The following MTF2 variants were observed in gnomAD, a reference collection of about 807,000 sequenced individuals.
MTF2 encodes the protein metal-response element-binding transcription factor 2.
In MTF2, 11 loss-of-function variants were observed where a neutral mutation model predicts 79.5. That is an observed-to-expected ratio of 0.14 (90% CI 0.09 to 0.23). The LOEUF (loss-of-function observed/expected upper bound fraction) is 0.23, where lower values mean the gene tolerates loss of function less well. Among genes scored for constraint, MTF2 ranks in the 10% least tolerant of loss-of-function variants. The pLI, the probability that MTF2 is intolerant of heterozygous loss-of-function variation, is 1.00. For missense variants in MTF2, 486 were observed against 711.2 expected, an observed-to-expected ratio of 0.68 and a Z score of 3.60; for synonymous variants, 208 against 232.8, an observed-to-expected ratio of 0.89 and a Z score of 0.97.
At chr1:93,123,652 A>G (rs932708481) in intron 9 of MTF2, among the ~76,000 whole-genome samples, 1 of 152,036 alleles carries the variant, frequency 6.6e-6, no homozygotes, top group Admixed American at 6.6e-5. Context: ...GGCTGGCTAA[A>G]CTTTAATGGT....
chr1:93,114,327 T>G (rs1386824226), intron 3 of MTF2, among the ~76,000 whole-genome samples: 1 of 152,220 alleles, frequency 6.6e-6, no homozygotes, highest in African/African-American at 2.4e-5. Context: ...TAGATAAGTA[T>G]TCTATAAAGT....
intron 1 of MTF2, among the ~76,000 whole-genome samples, chr1:93,100,760 T>G (rs1198897243): frequency 2.6e-5 from 4 of 152,338 alleles, no homozygotes; most frequent in African/African-American, 7.2e-5. Flanking sequence ...AGGCTTCATT[T>G]TACATACCTG....
chr1:93,130,039 T>C (rs1435642229), intron 11 of MTF2, among the ~76,000 whole-genome samples: 1 of 152,106 alleles, frequency 6.6e-6, no homozygotes, highest in South Asian at 2.1e-4. Context: ...GAGAATGTTA[T>C]AACAATGTGA....
intron 1 of MTF2, among the ~76,000 whole-genome samples, chr1:93,083,845 CAT>C (rs1009777931): frequency 6.6e-6 from 1 of 152,182 alleles, no homozygotes; most frequent in African/African-American, 2.4e-5. Context: ...GATCTTTCCA[CAT>C]ACTTGTTGGC....
At chr1:93,090,822 C>T (rs1655046333) in intron 1 of MTF2, among the ~76,000 whole-genome samples, 1 of 151,934 alleles carries the variant, frequency 6.6e-6, no homozygotes, top group Admixed American at 6.6e-5. Flanking sequence ...CGCCACCATG[C>T]CTGGCTAATT....
chr1:93,092,660 A>G (rs1655119163), intron 1 of MTF2, among the ~76,000 whole-genome samples: 1 of 152,172 alleles, frequency 6.6e-6, no homozygotes, highest in African/African-American at 2.4e-5. Flanking sequence ...CTATAAATAT[A>G]TTCTCTGTAA....
rs139709776 is a variant in MTF2 at position 93,114,598 on chromosome 1, G to A, written c.287-90G>A. ...TTATGATGTACTTAGCAAACATTGC[G>A]CATATGTGCTGCTCACTGAGTCATA... On this transcript the variant is annotated intron_variant, in intron 3 of 14. Transcript: ENST00000370298. 3,766 of 813,048 alleles carry A rather than the reference G, an allele frequency of 4.6e-3. 13 individuals carry two copies. Among genetic ancestry groups the A allele is most frequent in the Non-Finnish European group, 6.1e-3 (3,126 of 514,728 alleles). The allele number at this position is 813,048 out of a possible 1,614,324, so 50.4% of individuals were successfully genotyped here.
chr1:93,137,194 A>G lies in MTF2; in HGVS notation c.*167A>G. 2 of 504,914 alleles carry G rather than the reference A, an allele frequency of 4.0e-6. No homozygotes were observed. Among genetic ancestry groups the G allele is most frequent in the Non-Finnish European group, 6.9e-6 (2 of 290,324 alleles). 31.3% of individuals were successfully genotyped at this position (504,914 alleles called of 1,614,324 possible). The stretch of plus-strand genomic sequence containing the variant: ...TAACATGTACCTGTCAATGTTATGG[A>G]TATTGTCATAAAAAGGTATCTTTTA... On this transcript the variant is annotated 3_prime_UTR_variant, in exon 15 of 15. Transcript: ENST00000370298.
chr1:93,079,636 T>C, intron 1 of MTF2, 105 bp downstream of exon 1: 1 of 1,123,070 alleles, frequency 8.9e-7, no homozygotes. Flanking sequence ...AGGACCAAGG[T>C]GGGGGTGGGG....
intron 1 of MTF2, among the ~76,000 whole-genome samples, chr1:93,096,964 C>G (rs1341764193): frequency 6.6e-6 from 1 of 151,826 alleles, no homozygotes; most frequent in Non-Finnish European, 1.5e-5. Context: ...ACATGCACCA[C>G]CATGCCTGGC....
chr1:93,107,383 C>T (rs1184235598), intron 1 of MTF2, among the ~76,000 whole-genome samples: 1 of 152,138 alleles, frequency 6.6e-6, no homozygotes, highest in Non-Finnish European at 1.5e-5. Flanking sequence ...CGCCACCATG[C>T]CTGGCTAATT....
intron 1 of MTF2, among the ~76,000 whole-genome samples, chr1:93,098,715 T>G (rs1571223969): frequency 6.6e-6 from 1 of 152,348 alleles, no homozygotes. Context: ...GGCTGAATTT[T>G]TGCATATGAA....
intron 1 of MTF2, among the ~76,000 whole-genome samples, chr1:93,090,426 T>G (rs1396190005): frequency 6.6e-6 from 1 of 152,036 alleles, no homozygotes; most frequent in Non-Finnish European, 1.5e-5. Context: ...TTTGTATTTT[T>G]AGTAGAGATG....
At chr1:93,121,106 T>A in intron 9 of MTF2, 1 of 981,150 alleles carries the variant, frequency 1.0e-6, no homozygotes, top group Non-Finnish European at 1.2e-6. Context: ...AATGGTGGGA[T>A]CTAATAATAT....
At chr1:93,135,520 A>G (rs1647354194) in intron 14 of MTF2, among the ~76,000 whole-genome samples, 1 of 152,070 alleles carries the variant, frequency 6.6e-6, no homozygotes, top group Non-Finnish European at 1.5e-5. Context: ...TTTTACAAAT[A>G]TTGTCTTATT....
chr1:93,107,895 C>T (rs1379412497), intron 1 of MTF2, among the ~76,000 whole-genome samples: 1 of 152,116 alleles, frequency 6.6e-6, no homozygotes, highest in African/African-American at 2.4e-5. Context: ...GTCCTCCCAC[C>T]CCAGACTCCT....
chr1:93,109,109 T>G (rs1292983027), intron 1 of MTF2, among the ~76,000 whole-genome samples: 3 of 152,184 alleles, frequency 2.0e-5, no homozygotes, highest in Admixed American at 2.0e-4. Context: ...TTTTATGCTG[T>G]TTTTAGAATT....
At chr1:93,112,066 G>GT (rs1656050248) in intron 3 of MTF2, among the ~76,000 whole-genome samples, 4 of 152,176 alleles carry the variant, frequency 2.6e-5, no homozygotes, top group Admixed American at 2.6e-4. Context: ...GAAAGTTGTT[G>GT]TGTGAGGGGT....
At chr1:93,107,158 A>G (rs760638065) in intron 1 of MTF2, among the ~76,000 whole-genome samples, 3 of 152,214 alleles carry the variant, frequency 2.0e-5, no homozygotes, top group Non-Finnish European at 4.4e-5. Flanking sequence ...TTCATTGTGT[A>G]CTAACGGTAA....
Sources: allele counts gnomAD v4.1 joint callset (sites outside exome capture counted in the v4.1 genomes callset), GRCh38; gene constraint gnomAD v4.1.1; transcripts MANE v1.5; gene names NCBI Gene and HGNC (gene_info 2026-07-23, HGNC 2026-07-21).